PIGZ: variants seen among roughly 807,000 people sequenced by gnomAD.
PIGZ encodes the protein phosphatidylinositol glycan anchor biosynthesis class Z (Gwada blood group), also known as GPI alpha-1,2-mannosyltransferase 4.
In PIGZ, 16 loss-of-function variants were observed where a neutral mutation model predicts 16.4. The ratio of observed to expected loss-of-function variants is 0.97; its 90% CI spans 0.66 to 1.48. The LOEUF is 1.48. Among genes scored for constraint, PIGZ ranks in the 40% most tolerant of loss-of-function variants. The pLI, the probability that PIGZ is intolerant of heterozygous loss-of-function variation, is 0.00. For missense variants in PIGZ, 770 were observed against 739.2 expected (o/e 1.04, Z -0.48); for synonymous variants, 409 against 338.4 (o/e 1.21, Z -2.29).
intron 2 of PIGZ, among the ~76,000 whole-genome samples, chr3:196,949,966 T>C (rs1717203663): frequency 6.6e-6 from 1 of 152,082 alleles, no homozygotes; most frequent in African/African-American, 2.4e-5. Flanking sequence ...AGGTGATTTA[T>C]GTTAGTTTTG....
In PIGZ at chr3:196,947,174, G is replaced by C; in HGVS notation, c.1723C>G (p.Leu575Val). The C allele has an allele frequency of 1.3e-6, 2 of 1,554,090 alleles. No homozygotes were observed. Among genetic ancestry groups the C allele is most frequent in the South Asian group, 1.2e-5 (1 of 80,866 alleles). Residue 575 changes from leucine to valine, a missense_variant, in exon 3 of 3, where the codon CTG becomes GTG. By Grantham distance (32) the Leu-to-Val change is conservative. Coordinates refer to ENST00000412723, the MANE Select transcript of PIGZ (RefSeq NM_025163.4). ...RDHLSLHIVE[L>V]GEET Reference sequence around the variant, plus strand: ...TCATATTGTCAGGTTTCTTCCCCCAGCTCCACAATGTGAAGACTGAGGTGG... The same window carrying C: ...TCATATTGTCAGGTTTCTTCCCCCACCTCCACAATGTGAAGACTGAGGTGG...
At chr3:196,967,162 G>A (rs996660881) in intron 1 of PIGZ, among the ~76,000 whole-genome samples, 1 of 152,058 alleles carries the variant, frequency 6.6e-6, no homozygotes, top group Non-Finnish European at 1.5e-5. Flanking sequence ...GGAGGGGAGG[G>A]AAGGGAGTAG....
chr3:196,948,607 A>C lies in PIGZ; in HGVS notation c.290T>G (p.Leu97Arg). Residue 97 changes from leucine to arginine, a missense_variant, in exon 3 of 3, where the codon CTG becomes CGG. By Grantham distance (102) the Leu-to-Arg change is moderately radical. Transcript: ENST00000412723. Reference sequence around the variant, plus strand: ...CCAGAAGGTGGAACCAGAGATCAGCAGGGGGAAGAGCACCGAGCGGCAGGA... The same window carrying C: ...CCAGAAGGTGGAACCAGAGATCAGCCGGGGGAAGAGCACCGAGCGGCAGGA... ...SSSCRSVLFP[L>R]LISGSTFWLL... 6.4e-7 allele frequency: 1 copy of C among 1,556,172 alleles called. No individual in the cohort carries two copies. Among genetic ancestry groups the C allele is most frequent in the Non-Finnish European group, 8.7e-7 (1 of 1,154,114 alleles).
intron 1 of PIGZ, among the ~76,000 whole-genome samples, chr3:196,960,810 A>C (rs1161964681): frequency 6.6e-6 from 1 of 151,420 alleles, no homozygotes; most frequent in Non-Finnish European, 1.5e-5. Flanking sequence ...GAAAGAAAAA[A>C]ATCTTTCAAG....
chr3:196,958,227 A>ATT (rs11328333), intron 1 of PIGZ, among the ~76,000 whole-genome samples: 4 of 151,478 alleles, frequency 2.6e-5, no homozygotes, highest in African/African-American at 7.3e-5. Flanking sequence ...AACAACCTTT[A>ATT]TTTTTTTTTT....
intron 2 of PIGZ, 68 bp downstream of exon 2, chr3:196,951,753 A>T: frequency 6.7e-7 from 1 of 1,495,252 alleles, no homozygotes; most frequent in South Asian, 1.2e-5. Flanking sequence ...CCTCCCCACA[A>T]AGTCTCCCGT....
chr3:196,964,697 G>T (rs1421787623), intron 1 of PIGZ, among the ~76,000 whole-genome samples: 1 of 152,090 alleles, frequency 6.6e-6, no homozygotes, highest in South Asian at 2.1e-4. Flanking sequence ...TCCAGGCTTT[G>T]TACCTTATCT....
In PIGZ at chr3:196,956,365, G is replaced by A. The variant is rs974439583; in HGVS notation, c.1-4334C>T. Among the ~76,000 whole-genome samples, 82 of 152,302 alleles carry A rather than the reference G, an allele frequency of 5.4e-4. 1 individual carries two copies. The highest frequency in any genetic ancestry group is 1.9e-3 in the African/African-American group (81 of 41,558). ...CGTCTTACATGGCAGCAGGCAAAAA[G>A]CGAATGAGAAGCAAACGAATGAGAA... On this transcript the variant is annotated intron_variant, in intron 1 of 2. Transcript: ENST00000412723.
At chr3:196,948,870 TCCTTCCTTCCCTTCCTTCC>T (rs1717081879) in intron 2 of PIGZ, among the ~76,000 whole-genome samples, 185 bp from the exon 3 acceptor site, 1 of 66,238 alleles carries the variant, frequency 1.5e-5, no homozygotes, top group Admixed American at 1.6e-4. Context: ...TTCCTTCCCT[TCCTTCCTTCCCTTCCTTCC>T]CCTTCCTTCC....
Position 196,947,086 on chromosome 3 carries a change from G to T in PIGZ, c.*71C>A. Reference sequence around the variant, plus strand: ...GGTCCTGTCCCAGCGTCCCAGCCCAGCTACCCAAGTAGAAGGTGGGGCGGC... The same window carrying T: ...GGTCCTGTCCCAGCGTCCCAGCCCATCTACCCAAGTAGAAGGTGGGGCGGC... On this transcript the variant is annotated 3_prime_UTR_variant, in exon 3 of 3. Transcript: ENST00000412723. 1 of 1,412,170 alleles carries T rather than the reference G, an allele frequency of 7.1e-7. No individual in the cohort carries two copies. The highest frequency in any genetic ancestry group is 9.6e-7 in the Non-Finnish European group (1 of 1,043,986). The allele number at this position is 1,412,170 out of a possible 1,614,324, so 87.5% of individuals were successfully genotyped here.
intron 1 of PIGZ, among the ~76,000 whole-genome samples, chr3:196,959,121 G>A (rs948085935): frequency 6.6e-6 from 1 of 152,192 alleles, no homozygotes; most frequent in East Asian, 1.9e-4. Flanking sequence ...CATGACTTCC[G>A]CTATGGAGCA....
intron 1 of PIGZ, among the ~76,000 whole-genome samples, chr3:196,963,590 A>G (rs1167094605): frequency 6.6e-6 from 1 of 152,238 alleles, no homozygotes; most frequent in African/African-American, 2.4e-5. Flanking sequence ...GTGCTGTTGA[A>G]CAGAACTGCA....
intron 2 of PIGZ, among the ~76,000 whole-genome samples, chr3:196,950,919 T>C (rs991716090): frequency 5.9e-5 from 9 of 152,102 alleles, no homozygotes; most frequent in African/African-American, 1.2e-4. Context: ...TAATGTTTTG[T>C]ATTTTTAATA....
rs1037252637 is a variant in PIGZ, at chr3:196,947,369, C to A, written c.1528G>T (p.Val510Leu). 1.2e-6 allele frequency: 2 copies of A among 1,614,180 alleles called. No homozygotes were observed. Among genetic ancestry groups the A allele is most frequent in the Middle Eastern group, 3.3e-4 (2 of 6,062 alleles). Reference sequence around the variant, plus strand: ...CGGCAGAGCCATGGCCCACCAGCCACTTGGCAGGCTGGTTGTCTGGTGAAG... The same window carrying A: ...CGGCAGAGCCATGGCCCACCAGCCAATTGGCAGGCTGGTTGTCTGGTGAAG... ...KSFTRQPACQ[V>L]AGGPWLCRLF... The change falls in exon 3 of 3, where the codon GTG (valine) becomes TTG (leucine). Residue 510 changes from valine (V) to leucine (L), a missense_variant. Val to Leu is a conservative substitution (Grantham distance 32). Coordinates refer to ENST00000412723, the MANE Select transcript of PIGZ (RefSeq NM_025163.4).
In PIGZ at chr3:196,965,772, C is replaced by A. The variant is rs904054053; in HGVS notation, c.-1+2915G>T. Among the ~76,000 whole-genome samples, 9 of 152,124 alleles carry A rather than the reference C, an allele frequency of 5.9e-5. No individual in the cohort carries two copies. On this transcript the variant is annotated intron_variant, in intron 1 of 2. Transcript: ENST00000412723. This position sits in a 1 kb window ranked among gnomAD's most constrained non-coding sequence, Gnocchi z 4.2. ...TGCAAACAGCCCCCTCCTTTGTTAA[C>A]CAGTGTGTCATATAACAGCAATCAT...
At chr3:196,964,957 G>A (rs561966350) in intron 1 of PIGZ, among the ~76,000 whole-genome samples, 3 of 152,096 alleles carry the variant, frequency 2.0e-5, no homozygotes, top group Non-Finnish European at 2.9e-5. Context: ...AGATGGACCC[G>A]GTCTGTTTGA....
At chr3:196,953,680 T>A (rs1006755950) in intron 1 of PIGZ, among the ~76,000 whole-genome samples, 2 of 152,184 alleles carry the variant, frequency 1.3e-5, no homozygotes, top group African/African-American at 4.8e-5. Context: ...GACTTCTTGA[T>A]ATTTTAAATT....
intron 1 of PIGZ, among the ~76,000 whole-genome samples, chr3:196,952,237 T>A (rs1272453261): frequency 1.3e-5 from 2 of 152,212 alleles, no homozygotes; most frequent in African/African-American, 4.8e-5. Flanking sequence ...GGTCTTAGGA[T>A]CCCTGTTGTA....
intron 1 of PIGZ, among the ~76,000 whole-genome samples, chr3:196,968,217 GC>G (rs1718011975): frequency 2.0e-5 from 3 of 152,224 alleles, no homozygotes; most frequent in Non-Finnish European, 4.4e-5. Flanking sequence ...GAGGCCGGGA[GC>G]CGAGATTCTT....
Sources: allele counts gnomAD v4.1 joint callset (sites outside exome capture counted in the v4.1 genomes callset), GRCh38; gene constraint gnomAD v4.1.1; non-coding constraint Gnocchi (gnomAD v3.1); transcripts MANE v1.5; gene names NCBI Gene and HGNC (gene_info 2026-07-23, HGNC 2026-07-21).